The following CARMIL1 variants were observed in gnomAD, a reference collection of about 807,000 sequenced individuals.
The protein encoded by CARMIL1 is capping protein regulator and myosin 1 linker 1, also known as F-actin-uncapping protein LRRC16A.
CARMIL1 carries 90 observed loss-of-function variants against 177.1 expected under a neutral mutation model. The observed-to-expected ratio is 0.51, with a 90% CI of 0.43 to 0.61. The LOEUF is 0.61. CARMIL1 is among the 20% of genes least tolerant of loss of function. The pLI is 0.00. For missense variants in CARMIL1, 1,380 were observed against 1,667.0 expected (o/e 0.83, Z 3.00); for synonymous variants, 577 against 606.2 (o/e 0.95, Z 0.71).
intron 2 of CARMIL1, among the ~76,000 whole-genome samples, chr6:25,410,013 T>A (rs3896408): frequency 0.39 from 59,583 of 151,538 alleles, 11,964 homozygotes; most frequent in Middle Eastern, 0.56. Context: ...TTATTTTTTA[T>A]TCTCTGAATT....
At chr6:25,377,284 G>C (rs779430293) in intron 2 of CARMIL1, among the ~76,000 whole-genome samples, 10 of 152,192 alleles carry the variant, frequency 6.6e-5, no homozygotes, top group Non-Finnish European at 1.5e-4. Context: ...GACGTTTTCT[G>C]CTGAGCCAAG....
chr6:25,445,426 A>G (rs1231803015), intron 5 of CARMIL1, among the ~76,000 whole-genome samples: 1 of 152,148 alleles, frequency 6.6e-6, no homozygotes, highest in Non-Finnish European at 1.5e-5. Flanking sequence ...AATGTTCTCA[A>G]TGGCATCTAT....
chr6:25,445,359 C>A (rs1158338017), intron 5 of CARMIL1, among the ~76,000 whole-genome samples: 3 of 152,110 alleles, frequency 2.0e-5, no homozygotes, highest in South Asian at 2.1e-4. Flanking sequence ...GGTTTGGAAT[C>A]AACTTTTTTG....
chr6:25,526,767 G>T (rs1001517736), intron 23 of CARMIL1, among the ~76,000 whole-genome samples: 8 of 151,946 alleles, frequency 5.3e-5, no homozygotes, highest in African/African-American at 1.9e-4. Context: ...TGCCCATGCT[G>T]GTCTCAAACT....
chr6:25,506,022 A>C (rs1280776255), intron 17 of CARMIL1, among the ~76,000 whole-genome samples: 2 of 152,190 alleles, frequency 1.3e-5, no homozygotes, highest in Non-Finnish European at 2.9e-5. Context: ...AAAAAAGAGC[A>C]CCAAATACTG....
Position 25,556,804 on chromosome 6 carries a change from A to T in CARMIL1, c.2696A>T (p.Glu899Val), listed in dbSNP as rs752861928. ...KPVKRSIITV[E>V]ELTEIERLED... ...GTTAAACGTTCCATCATCACAGTGGAGGAGCTAACAGAGATAGAGCGTTTG... is the reference window on the plus strand; with the variant it reads ...GTTAAACGTTCCATCATCACAGTGGTGGAGCTAACAGAGATAGAGCGTTTG... The change falls in exon 29 of 37, where the codon GAG becomes GTG. Residue 899 changes from glutamate to valine, a missense_variant. By Grantham distance (121) the Glu-to-Val change is moderately radical. Coordinates refer to ENST00000329474, the MANE Select transcript of CARMIL1 (RefSeq NM_017640.6). 6.2e-7 allele frequency: 1 copy of T among 1,613,344 alleles called. No homozygotes were observed. The highest frequency in any genetic ancestry group is 1.1e-5 in the South Asian group (1 of 91,072).
chr6:25,389,016 T>C (rs913247001), intron 2 of CARMIL1: 2 of 152,222 alleles, frequency 1.3e-5, no homozygotes, highest in African/African-American at 4.8e-5. Context: ...AAAGTAGGAA[T>C]GACTGCCCTA....
chr6:25,351,089 G>A (rs1581654359), intron 2 of CARMIL1, among the ~76,000 whole-genome samples: 1 of 152,080 alleles, frequency 6.6e-6, no homozygotes, highest in Non-Finnish European at 1.5e-5. Context: ...ACTCTTAAGG[G>A]TCTAGATCTT....
intron 2 of CARMIL1, among the ~76,000 whole-genome samples, chr6:25,382,446 A>C (rs1005161471): frequency 6.6e-6 from 1 of 152,214 alleles, no homozygotes; most frequent in African/African-American, 2.4e-5. Flanking sequence ...ACGGAGCCAA[A>C]GAGTGAGCAG....
intron 11 of CARMIL1, 143 bp from the exon 12 acceptor site, chr6:25,482,114 A>C: frequency 1.7e-6 from 1 of 597,414 alleles, no homozygotes; most frequent in Non-Finnish European, 2.9e-6. Context: ...CTTGATGGTA[A>C]ATGTTTAGAA....
At chr6:25,562,317 G>A (rs1363982313) in intron 29 of CARMIL1, among the ~76,000 whole-genome samples, 2 of 151,252 alleles carry the variant, frequency 1.3e-5, no homozygotes, top group Admixed American at 6.6e-5. Flanking sequence ...GCATGATCTC[G>A]GCTCACTGCA....
chr6:25,499,359 A>G (rs978942796), intron 16 of CARMIL1, among the ~76,000 whole-genome samples: 1 of 152,196 alleles, frequency 6.6e-6, no homozygotes, highest in African/African-American at 2.4e-5. Flanking sequence ...TCTTATGTTC[A>G]TCTCTATGTT....
At chr6:25,288,861 C>G (rs748696679) in intron 2 of CARMIL1, among the ~76,000 whole-genome samples, 16 of 152,176 alleles carry the variant, frequency 1.1e-4, no homozygotes, top group Non-Finnish European at 1.9e-4. Flanking sequence ...GCTAGATGTT[C>G]TGGGGCAGGA....
chr6:25,497,727 A>G (rs924565699), intron 16 of CARMIL1, among the ~76,000 whole-genome samples: 5 of 152,140 alleles, frequency 3.3e-5, no homozygotes, highest in African/African-American at 9.7e-5. Flanking sequence ...AAGCAACACA[A>G]TTTCTTTTGA....
intron 36 of CARMIL1, 104 bp from the exon 37 acceptor site, chr6:25,619,338 CCCCCT>C: frequency 1.9e-6 from 2 of 1,078,668 alleles, no homozygotes; most frequent in Non-Finnish European, 1.3e-6. Context: ...TTCACCCTGG[CCCCCT>C]CCCCTCCCCC....
intron 2 of CARMIL1, among the ~76,000 whole-genome samples, chr6:25,372,134 C>G (rs374595863): frequency 6.6e-6 from 1 of 152,056 alleles, no homozygotes; most frequent in African/African-American, 2.4e-5. Context: ...ATACCTATAC[C>G]GTGCTGTTTT....
intron 22 of CARMIL1, among the ~76,000 whole-genome samples, chr6:25,519,924 C>G (rs1007624517): frequency 6.6e-6 from 1 of 152,202 alleles, no homozygotes; most frequent in Non-Finnish European, 1.5e-5. Context: ...CCTAGGCTTT[C>G]CCTCAGTTCA....
At chr6:25,333,928 A>G (rs1785951169) in intron 2 of CARMIL1, among the ~76,000 whole-genome samples, 1 of 152,236 alleles carries the variant, frequency 6.6e-6, no homozygotes, top group Non-Finnish European at 1.5e-5. Context: ...ATTTTGGCTC[A>G]GAGATTTTCT....
At chr6:25,601,886 G>C (rs1311622031) in intron 33 of CARMIL1, among the ~76,000 whole-genome samples, 1 of 152,166 alleles carries the variant, frequency 6.6e-6, no homozygotes, top group East Asian at 1.9e-4. Context: ...GTTTAAGTCA[G>C]GTTGTGGTTT....
Sources: gnomAD v4.1 joint callset for allele counts (sites outside exome capture counted in the v4.1 genomes callset) on GRCh38, gnomAD v4.1.1 for gene constraint, MANE v1.5 for transcripts, NCBI Gene and HGNC (gene_info 2026-07-23, HGNC 2026-07-21) for gene names.